The following DNAJC5G variants were observed in gnomAD, a reference collection of about 807,000 sequenced individuals.
DNAJC5G encodes DnaJ heat shock protein family (Hsp40) member C5 gamma, also known as dnaJ homolog subfamily C member 5G.
A neutral mutation model predicts 19.1 loss-of-function variants in DNAJC5G; 13 were observed. The ratio of observed to expected loss-of-function variants is 0.68; its 90% CI spans 0.44 to 1.08. The LOEUF is 1.08. Ranked by LOEUF, DNAJC5G falls within the 50% of genes least tolerant of loss-of-function variation. The pLI is 0.00. For synonymous variants in DNAJC5G, 81 were observed against 84.4 expected, an observed-to-expected ratio of 0.96 and a Z score of 0.22; for missense variants, 245 against 230.4, an observed-to-expected ratio of 1.06 and a Z score of -0.41.
At chr2:27,277,711 T>G (rs1399008172) in intron 3 of DNAJC5G, 43 bp from the exon 4 acceptor site, 1 of 1,610,752 alleles carries the variant, frequency 6.2e-7, no homozygotes, top group Non-Finnish European at 8.5e-7. Flanking sequence ...CTGCACTCTC[T>G]AGAGACTAAT....
Position 27,278,181 on chromosome 2 carries a change from C to T in DNAJC5G, c.376-7C>T. 6.2e-7 allele frequency: 1 copy of T among 1,614,100 alleles called. No individual in the cohort carries two copies. The highest frequency in any genetic ancestry group is 8.5e-7 in the Non-Finnish European group (1 of 1,180,026). ...CTGGACTGAGGCCATTCTCGCCTAC[C>T]TTTTAGACACTTGTCATCCTGTGTA... On this transcript the variant is annotated splice_region_variant and splice_polypyrimidine_tract_variant and intron_variant, in intron 4 of 6. Coordinates refer to ENST00000296097, the MANE Select transcript of DNAJC5G (RefSeq NM_173650.3).
chr2:27,275,894 C>T (rs1342710311), intron 1 of DNAJC5G: 1 of 142,658 alleles, frequency 7.0e-6, no homozygotes, highest in Non-Finnish European at 1.5e-5. Context: ...GCCCCCGCCC[C>T]CGCCAGGCTC....
Position 27,277,953 on chromosome 2 carries a change from T to G in DNAJC5G, c.313T>G (p.Tyr105Asp). 6.2e-7 allele frequency: 1 copy of G among 1,614,218 alleles called. No homozygotes were observed. The highest frequency in any genetic ancestry group is 8.5e-7 in the Non-Finnish European group (1 of 1,180,046). Residue 105 changes from tyrosine (Y) to aspartate (D), a missense_variant, in exon 4 of 7, where the codon TAT (tyrosine) becomes GAT (aspartate). Tyr to Asp is a radical substitution (Grantham distance 160). Coordinates refer to ENST00000296097, the MANE Select transcript of DNAJC5G (RefSeq NM_173650.3). ...GCATGGCTCATTGGGAATATATCTG[T>G]ATGATCACTTTGGTGAAGAAGGCGT... ...DQHGSLGIYL[Y>D]DHFGEEGVRY...
chr2:27,276,169 A>G lies in DNAJC5G; in HGVS notation c.-222A>G, dbSNP rs62130707. ...AGCTACTCGGGAGGCTGAGGCAGGA[A>G]AATCGCTTGCACCCAGGAGGTGGAG... is the stretch of plus-strand genomic sequence containing the variant. On this transcript the variant is annotated 5_prime_UTR_variant, in exon 2 of 7. Transcript: ENST00000296097. 0.36 allele frequency: 54,148 copies of G among 151,710 alleles called. 12,583 individuals carry two copies. Among genetic ancestry groups the G allele is most frequent in the African/African-American group, 0.66 (27,009 of 41,224 alleles). 9.4% of individuals were successfully genotyped at this position (151,710 alleles called of 1,614,324 possible).
intron 5 of DNAJC5G, 101 bp from the exon 6 acceptor site, chr2:27,280,065 G>T: frequency 9.3e-7 from 1 of 1,075,100 alleles, no homozygotes; most frequent in Middle Eastern, 2.2e-4. Flanking sequence ...GCCACCTGGT[G>T]ATGCTAATGA....
At position 27,276,392 on chromosome 2, in the gene DNAJC5G, T is replaced by C. The variant is rs1678074499; in HGVS notation, c.-4+5T>C. On this transcript the variant is annotated splice_donor_5th_base_variant and intron_variant, in intron 2 of 6. Coordinates refer to ENST00000296097, the MANE Select transcript of DNAJC5G (RefSeq NM_173650.3). ...ACCCAGAGGTGTTTACTCCAGGTAA[T>C]AGGAGCTCTAGACAAAATCAGGCTC... The C allele has an allele frequency of 5.0e-6, 1 of 201,332 alleles. No individual in the cohort carries two copies. Among genetic ancestry groups the C allele is most frequent in the Non-Finnish European group, 1.0e-5 (1 of 99,096 alleles). The allele number at this position is 201,332 out of a possible 1,614,324, so 12.5% of individuals were successfully genotyped here. A position where few individuals can be genotyped will look rare whatever the true frequency, so the allele number is the denominator to read the frequency against.
At position 27,278,021 on chromosome 2, in the gene DNAJC5G, C is replaced by T; in HGVS notation, c.375+6C>T. Reference sequence around the variant, plus strand: ...TGAATAGTTGTTGGTTCAAGGTACACAATTCTCCAGGTCCTTTAAGAATAA... The same window carrying T: ...TGAATAGTTGTTGGTTCAAGGTACATAATTCTCCAGGTCCTTTAAGAATAA... On this transcript the variant is annotated splice_donor_region_variant and intron_variant, in intron 4 of 6. Transcript: ENST00000296097. 5 of 1,613,356 alleles carry T rather than the reference C, an allele frequency of 3.1e-6. No homozygotes were observed. Among genetic ancestry groups the T allele is most frequent in the Non-Finnish European group, 4.2e-6 (5 of 1,179,516 alleles).
chr2:27,276,749 A>G lies in DNAJC5G; in HGVS notation c.21A>G (p.Ala7=). The change falls in exon 3 of 7, where the codon GCA becomes GCG. Residue 7 remains alanine (A), a synonymous_variant. Coordinates refer to ENST00000296097, the MANE Select transcript of DNAJC5G (RefSeq NM_173650.3). The part of the protein sequence containing the change: MSTVKE[A]AHRLSKSEMS... ...AGATCATGTCTACTGTGAAGGAAGC[A>G]GCACACCGGCTGTCCAAAAGTGAGA... 6.2e-7 allele frequency: 1 copy of G among 1,614,030 alleles called. No homozygotes were observed. The highest frequency in any genetic ancestry group is 8.5e-7 in the Non-Finnish European group (1 of 1,180,000).
chr2:27,279,791 T>G (rs1231145017), intron 5 of DNAJC5G, among the ~76,000 whole-genome samples: 1 of 149,204 alleles, frequency 6.7e-6, no homozygotes, highest in African/African-American at 2.5e-5. Flanking sequence ...GTCATGGCAG[T>G]GCACACCTGT....
chr2:27,278,709 GAAAA>G lies in DNAJC5G; in HGVS notation c.520+378_520+381del, dbSNP rs1264335497. ...AAAAAAAAAAAAAAAAAAAAAAAAA[GAAAA>G]GAAAAGAAAGAGGCTGGGCATGGTG... On this transcript the variant is annotated intron_variant, in intron 5 of 6. Coordinates refer to ENST00000296097, the MANE Select transcript of DNAJC5G (RefSeq NM_173650.3). Among the ~76,000 whole-genome samples the G allele has an allele frequency of 3.5e-4, 32 of 92,102 alleles. 1 individual carries two copies. Among genetic ancestry groups the G allele is most frequent in the Non-Finnish European group, 9.2e-5 (4 of 43,518 alleles). 60.4% of individuals were successfully genotyped at this position (92,102 alleles called of 152,430 possible). A position where few individuals can be genotyped will look rare whatever the true frequency, so the allele number is the denominator to read the frequency against.
At position 27,278,222 on chromosome 2, in the gene DNAJC5G, G is replaced by A; in HGVS notation, c.410G>A (p.Cys137Tyr). The A allele has an allele frequency of 6.2e-7, 1 of 1,614,176 alleles. No individual in the cohort carries two copies. Among genetic ancestry groups the A allele is most frequent in the South Asian group, 1.1e-5 (1 of 91,084 alleles). The stretch of plus-strand genomic sequence containing the variant: ...ATCCTGTGTACTCTGCTCACTTGTT[G>A]CTGTTTCTGTTGTTGCTGCTGTTTT... ...LVILCTLLTC[C>Y]CFCCCCCFCC... is the part of the protein sequence containing the mutation. Residue 137 changes from cysteine (C) to tyrosine (Y), a missense_variant, in exon 5 of 7, where the codon TGC becomes TAC. Transcript: ENST00000296097.
chr2:27,280,255 AAC>A, intron 6 of DNAJC5G, 22 bp downstream of exon 6: 1 of 1,594,006 alleles, frequency 6.3e-7, no homozygotes, highest in South Asian at 1.1e-5. Context: ...GAAAGGCAGC[AAC>A]AGTTATCAGA....
intron 2 of DNAJC5G, 84 bp from the exon 3 acceptor site, chr2:27,276,642 G>T: frequency 8.3e-7 from 1 of 1,199,966 alleles, no homozygotes; most frequent in South Asian, 1.4e-5. Flanking sequence ...CCTGAAGGTA[G>T]TGAGTTTCCT....
At position 27,278,256 on chromosome 2, in the gene DNAJC5G, A is replaced by G; in HGVS notation, c.444A>G (p.Gly148=). The change falls in exon 5 of 7, where the codon GGA becomes GGG. Residue 148 remains glycine, a synonymous_variant. Transcript: ENST00000296097. The part of the protein sequence containing the change: ...CFCCCCCFCC[G]ALKPPPEQDS... ...GTTGTTGCTGCTGTTTTTGCTGTGG[A>G]GCACTTAAACCACCACCTGAGCAGG... The G allele has an allele frequency of 6.2e-7, 1 of 1,614,122 alleles. No homozygotes were observed. The highest frequency in any genetic ancestry group is 8.5e-7 in the Non-Finnish European group (1 of 1,180,028).
intron 5 of DNAJC5G, among the ~76,000 whole-genome samples, chr2:27,279,379 A>G (rs1211853955): frequency 1.3e-5 from 2 of 152,042 alleles, no homozygotes; most frequent in African/African-American, 4.8e-5. Flanking sequence ...ATCTCAGCTC[A>G]TTGCAACCTC....
intron 6 of DNAJC5G, 69 bp downstream of exon 6, chr2:27,280,302 A>G (rs1678314798): frequency 7.5e-7 from 1 of 1,329,822 alleles, no homozygotes; most frequent in Non-Finnish European, 1.1e-6. Context: ...CAGATGAGTC[A>G]TTAGTAGAAA....
chr2:27,278,174 C>A lies in DNAJC5G; in HGVS notation c.376-14C>A, dbSNP rs769201615. ...AAAACTGCTGGACTGAGGCCATTCT[C>A]GCCTACCTTTTAGACACTTGTCATC... is the stretch of plus-strand genomic sequence containing the variant. On this transcript the variant is annotated splice_polypyrimidine_tract_variant and intron_variant, in intron 4 of 6. Coordinates refer to ENST00000296097, the MANE Select transcript of DNAJC5G (RefSeq NM_173650.3). 1 of 1,614,008 alleles carries A rather than the reference C, an allele frequency of 6.2e-7. No individual in the cohort carries two copies. The highest frequency in any genetic ancestry group is 8.5e-7 in the Non-Finnish European group (1 of 1,180,048).
chr2:27,278,710 AAAAG>A (rs1678234042), intron 5 of DNAJC5G, among the ~76,000 whole-genome samples: 1 of 142,370 alleles, frequency 7.0e-6, no homozygotes, highest in African/African-American at 2.6e-5. Flanking sequence ...AAAAAAAAAG[AAAAG>A]AAAAGAAAGA....
At chr2:27,278,397 G>A in intron 5 of DNAJC5G, 65 bp downstream of exon 5, 1 of 1,593,268 alleles carries the variant, frequency 6.3e-7, no homozygotes, top group Non-Finnish European at 8.5e-7. Flanking sequence ...AGAAATGATT[G>A]GGGTTGGGCA....
Sources: gnomAD v4.1 joint callset for allele counts (sites outside exome capture counted in the v4.1 genomes callset) on GRCh38, gnomAD v4.1.1 for gene constraint, MANE v1.5 for transcripts, NCBI Gene and HGNC (gene_info 2026-07-23, HGNC 2026-07-21) for gene names.